SLC23A2: variants seen among roughly 807,000 people sequenced by gnomAD.
SLC23A2 encodes Na(+)/L-ascorbic acid transporter 2.
A neutral mutation model predicts 73.3 loss-of-function variants in SLC23A2; 36 were observed. That is an observed-to-expected ratio of 0.49 (90% confidence interval 0.38 to 0.65). The LOEUF (loss-of-function observed/expected upper bound fraction) is 0.65. SLC23A2 is among the 30% of genes least tolerant of loss of function. The pLI, the probability that SLC23A2 is intolerant of heterozygous loss-of-function variation, is 0.00. For synonymous variants in SLC23A2, 343 were observed against 327.3 expected, an observed-to-expected ratio of 1.05 and a Z score of -0.52; for missense variants, 507 against 841.6, an observed-to-expected ratio of 0.60 and a Z score of 4.92.
At chr20:4,954,558 C>T (rs1171669836) in intron 2 of SLC23A2, among the ~76,000 whole-genome samples, 5 of 151,784 alleles carry the variant, frequency 3.3e-5, no homozygotes, top group Admixed American at 6.6e-5. Context: ...ATTAGCCACG[C>T]GTGGTGGCGG....
chr20:4,970,107 G>A (rs893734464), intron 2 of SLC23A2, among the ~76,000 whole-genome samples: 1 of 152,042 alleles, frequency 6.6e-6, no homozygotes, highest in Non-Finnish European at 1.5e-5. Flanking sequence ...GGTTCCTCAC[G>A]TATAAACCTC....
chr20:4,942,559 C>T (rs888198434), intron 2 of SLC23A2, among the ~76,000 whole-genome samples: 1 of 152,190 alleles, frequency 6.6e-6, no homozygotes, highest in Non-Finnish European at 1.5e-5. Flanking sequence ...AACAATCACG[C>T]ACAAATGCAG....
At chr20:4,983,470 C>T (rs1462866948) in intron 1 of SLC23A2, among the ~76,000 whole-genome samples, 1 of 143,308 alleles carries the variant, frequency 7.0e-6, no homozygotes, top group East Asian at 2.1e-4. Flanking sequence ...CACGGTGAAA[C>T]CCCGTCTCTA....
intron 6 of SLC23A2, among the ~76,000 whole-genome samples, chr20:4,891,166 T>C (rs941777246): frequency 1.3e-5 from 2 of 149,500 alleles, no homozygotes; most frequent in African/African-American, 2.5e-5. Flanking sequence ...GGAGGGGAGG[T>C]AGGGGAAGCA....
chr20:4,874,180 AC>A, intron 10 of SLC23A2, 88 bp from the exon 11 acceptor site: 2 of 1,267,372 alleles, frequency 1.6e-6, no homozygotes, highest in Non-Finnish European at 2.2e-6. Flanking sequence ...GGAATATCAC[AC>A]CCCAGAGCCC....
In SLC23A2 at chr20:4,999,542, C is replaced by T. The variant is rs1041065201; in HGVS notation, c.-282+1864G>A. 2.0e-5 allele frequency among the ~76,000 whole-genome samples: 3 copies of T among 149,730 alleles called. No homozygotes were observed. The East Asian group carries it at 5.9e-4, about 29-fold the overall frequency. ...AGGTACTGGTTTTTTTTAAGCTGGC[C>T]GCCATACTCAGCTATTTTTTTTTTT... On this transcript the variant is annotated intron_variant, in intron 1 of 16. Transcript: ENST00000338244.
At chr20:4,886,203 C>A (rs1931090709) in intron 6 of SLC23A2, among the ~76,000 whole-genome samples, 1 of 152,218 alleles carries the variant, frequency 6.6e-6, no homozygotes, top group Non-Finnish European at 1.5e-5. Flanking sequence ...TTTCCTCTTG[C>A]AGGCGGGAGA....
At chr20:4,989,631 T>C (rs953176308) in intron 1 of SLC23A2, among the ~76,000 whole-genome samples, 2 of 151,940 alleles carry the variant, frequency 1.3e-5, no homozygotes, top group African/African-American at 2.4e-5. Context: ...AGCCATGATC[T>C]TGCCACTATA....
intron 3 of SLC23A2, among the ~76,000 whole-genome samples, chr20:4,917,818 T>A (rs1183609682): frequency 1.3e-5 from 2 of 152,176 alleles, no homozygotes; most frequent in Non-Finnish European, 2.9e-5. Context: ...GAAATGCTCT[T>A]GTCTGACTGG....
At chr20:4,972,991 CAAGA>C (rs1447046008) in intron 1 of SLC23A2, among the ~76,000 whole-genome samples, 2 of 152,080 alleles carry the variant, frequency 1.3e-5, no homozygotes, top group African/African-American at 2.4e-5. Flanking sequence ...GAAAAGAAAA[CAAGA>C]GAGACACTTT....
At chr20:4,881,177 C>T (rs1045444303) in intron 9 of SLC23A2, among the ~76,000 whole-genome samples, 1 of 152,140 alleles carries the variant, frequency 6.6e-6, no homozygotes, top group Non-Finnish European at 1.5e-5. Context: ...GTTTCAGGGG[C>T]AGGAAAGGAA....
chr20:5,000,666 A>C (rs1283891873), intron 1 of SLC23A2, among the ~76,000 whole-genome samples: 1 of 152,086 alleles, frequency 6.6e-6, no homozygotes, highest in African/African-American at 2.4e-5. Flanking sequence ...TTAAACCCCC[A>C]GCCTGCAGGC....
rs8126036 is a variant in SLC23A2, at chr20:4,883,297, T to C, written c.824+345A>G. Among the ~76,000 whole-genome samples the C allele has an allele frequency of 0.061, 9,250 of 152,186 alleles. 617 individuals are homozygous for C. Among genetic ancestry groups the C allele is most frequent in the African/African-American group, 0.17 (6,876 of 41,478 alleles). ...TGGAATATTTTTGAGTCTCATGATA[T>C]AAAAATTTGGCTTCTCAGTATGTCA... is the stretch of plus-strand genomic sequence containing the variant. On this transcript the variant is annotated intron_variant, in intron 9 of 16. Transcript: ENST00000338244. The surrounding 1 kb of genome is among the most constrained non-coding windows in gnomAD (Gnocchi z 4.5).
intron 2 of SLC23A2, among the ~76,000 whole-genome samples, chr20:4,969,567 A>G (rs1481248263): frequency 2.0e-5 from 3 of 150,590 alleles, no homozygotes; most frequent in Admixed American, 2.0e-4. Context: ...AAGTCAATGT[A>G]TCTGACAGCA....
chr20:4,935,214 A>G (rs1375201074), intron 2 of SLC23A2, among the ~76,000 whole-genome samples: 6 of 149,322 alleles, frequency 4.0e-5, no homozygotes, highest in Non-Finnish European at 8.9e-5. Context: ...AAAAGAAACC[A>G]TACCAACACA....
intron 2 of SLC23A2, among the ~76,000 whole-genome samples, chr20:4,961,679 G>A (rs1013657584): frequency 7.9e-5 from 12 of 152,160 alleles, no homozygotes; most frequent in African/African-American, 2.7e-4. Context: ...ACACATGACT[G>A]AGATTCCAGC....
chr20:4,989,187 C>CTGG (rs1423147356), intron 1 of SLC23A2, among the ~76,000 whole-genome samples: 2 of 147,796 alleles, frequency 1.4e-5, no homozygotes, highest in Non-Finnish European at 3.0e-5. Context: ...TGCAATGAGC[C>CTGG]GAGATCGCTG....
chr20:4,876,595 G>A (rs1383770341), intron 9 of SLC23A2, among the ~76,000 whole-genome samples: 3 of 152,208 alleles, frequency 2.0e-5, no homozygotes, highest in Non-Finnish European at 4.4e-5. Flanking sequence ...AGGATGGGCT[G>A]CTGTCTACTC....
intron 3 of SLC23A2, among the ~76,000 whole-genome samples, chr20:4,914,769 G>T (rs897793547): frequency 6.6e-6 from 1 of 152,130 alleles, no homozygotes; most frequent in Non-Finnish European, 1.5e-5. Context: ...CACTGGACAC[G>T]GTGGCTCAGG....
Sources: gnomAD v4.1 joint callset for allele counts (sites outside exome capture counted in the v4.1 genomes callset) on GRCh38, gnomAD v4.1.1 for gene constraint, Gnocchi (gnomAD v3.1) non-coding constraint, MANE v1.5 for transcripts, NCBI Gene and HGNC (gene_info 2026-07-23, HGNC 2026-07-21) for gene names.